PHF8: variants seen among roughly 807,000 people sequenced by gnomAD.
The protein encoded by PHF8 is histone lysine demethylase PHF8.
Under a neutral mutation model 74.4 loss-of-function variants are expected in PHF8, and 9 were observed. That is an observed-to-expected ratio of 0.12 (90% CI 0.07 to 0.21). The LOEUF (loss-of-function observed/expected upper bound fraction) is 0.21. Ranked by LOEUF, PHF8 falls within the 10% of genes least tolerant of loss-of-function variation. The pLI is 1.00. For missense variants in PHF8, 478 were observed against 816.6 expected, an observed-to-expected ratio of 0.59 and a Z score of 5.05; for synonymous variants, 311 against 316.6, an observed-to-expected ratio of 0.98 and a Z score of 0.19.
intron 20 of PHF8, among the ~76,000 whole-genome samples, chrX:53,943,813 A>G (rs1290659492): frequency 8.9e-6 from 1 of 112,257 alleles, no homozygotes; most frequent in East Asian, 2.8e-4. Flanking sequence ...TCAGGGCTTC[A>G]TATGAGAGCA....
In PHF8 at chrX:54,027,292, T is replaced by C. The variant is rs1276616158; in HGVS notation, c.99-4449A>G. Among the ~76,000 whole-genome samples, 4 of 110,298 alleles carry C rather than the reference T, an allele frequency of 3.6e-5. No homozygotes were observed. In the South Asian group the frequency reaches 1.2e-3, roughly 33 times the overall value. On this transcript the variant is annotated intron_variant, in intron 2 of 21. Coordinates refer to ENST00000338154, the MANE Select transcript of PHF8 (RefSeq NM_015107.3). ...CCTTCACAGCCAAACACATTCTTTC[T>C]TTAAACCTATGCAGCTTAAAAATGA...
intron 19 of PHF8, among the ~76,000 whole-genome samples, chrX:53,946,786 G>A (rs1735376090): frequency 8.9e-6 from 1 of 112,022 alleles, no homozygotes; most frequent in African/African-American, 3.2e-5. Context: ...ATTATTGTTA[G>A]TTTTGTTATG....
intron 18 of PHF8, among the ~76,000 whole-genome samples, chrX:53,965,593 T>C (rs1296963743): frequency 8.9e-6 from 1 of 112,276 alleles, no homozygotes; most frequent in Non-Finnish European, 1.9e-5. Context: ...GAGCCAAGAT[T>C]GTGCCACTGT....
intron 18 of PHF8, among the ~76,000 whole-genome samples, chrX:53,978,688 C>T (rs1449279892): frequency 1.9e-5 from 2 of 107,683 alleles, no homozygotes; most frequent in African/African-American, 3.4e-5. Context: ...ATCCCAGCTA[C>T]TCAGGAGGCT....
chrX:53,990,401 CG>C (rs2065639328), intron 14 of PHF8, among the ~76,000 whole-genome samples: 1 of 110,578 alleles, frequency 9.0e-6, no homozygotes, highest in Admixed American at 9.7e-5. Flanking sequence ...ACAGCTGCAG[CG>C]GGTAATAGGC....
At chrX:54,007,300 A>G (rs1309623002) in intron 8 of PHF8, among the ~76,000 whole-genome samples, 2 of 112,238 alleles carry the variant, frequency 1.8e-5, no homozygotes, top group East Asian at 5.5e-4. Context: ...AACTAAAACT[A>G]TAAAATGCTT....
chrX:54,007,497 A>T (rs998563589), intron 8 of PHF8, among the ~76,000 whole-genome samples: 1 of 112,443 alleles, frequency 8.9e-6, no homozygotes, highest in African/African-American at 3.2e-5. Context: ...AATATTTGCA[A>T]ATCACATATC....
Position 53,966,747 on chromosome X carries a change from G to A in PHF8, c.2444-3808C>T, listed in dbSNP as rs1193995433. On this transcript the variant is annotated intron_variant, in intron 18 of 21. Transcript: ENST00000338154. The stretch of plus-strand genomic sequence containing the variant: ...CTGGCTGCCCAGTCTGGAAAGTGAG[G>A]AGCGTCTCTGCCCGGCTGCCATCCC... Among the ~76,000 whole-genome samples the A allele has an allele frequency of 1.8e-4, 20 of 109,453 alleles. No homozygotes were observed. The Admixed American group carries it at 1.9e-3, about 11-fold the overall frequency.
At chrX:53,956,224 T>C (rs2065011296) in intron 19 of PHF8, among the ~76,000 whole-genome samples, 1 of 111,750 alleles carries the variant, frequency 8.9e-6, no homozygotes, top group Non-Finnish European at 1.9e-5. Flanking sequence ...CACTCCAGCC[T>C]GGGCAACAGA....
upstream of PHF8, among the ~76,000 whole-genome samples, chrX:54,048,116 G>C (rs1222488884): frequency 9.1e-6 from 1 of 109,804 alleles, no homozygotes; most frequent in Non-Finnish European, 1.9e-5. Context: ...GTGAACCCGG[G>C]AGGCAGAGCT....
chrX:53,967,381 G>A (rs1270567768), intron 18 of PHF8, among the ~76,000 whole-genome samples: 23 of 73,896 alleles, frequency 3.1e-4, no homozygotes, highest in African/African-American at 3.8e-4. Flanking sequence ...TCAGCCCCCC[G>A]CCCGGCCAGC....
rs1557116331 is a variant in PHF8 at position 54,042,800 on chromosome X, C to A, written c.-72G>T. ...TCAAGAGGGGCGGGAGGCGGCAGCA[C>A]GCGTCCTCTCTGGACGATAGCTAGG... On this transcript the variant is annotated 5_prime_UTR_variant, in exon 2 of 22. Transcript: ENST00000338154. The A allele has an allele frequency of 1.7e-6, 2 of 1,168,155 alleles. No individual in the cohort carries two copies. Among genetic ancestry groups the A allele is most frequent in the South Asian group, 3.9e-5 (2 of 51,883 alleles).
chrX:53,961,327 A>T (rs1349942189), intron 19 of PHF8, among the ~76,000 whole-genome samples: 4 of 101,186 alleles, frequency 4.0e-5, no homozygotes, highest in East Asian at 3.1e-4. Context: ...ACCTAGCCAA[A>T]TTTTTTTTTT....
chrX:54,007,797 G>T (rs1043075608), intron 8 of PHF8, among the ~76,000 whole-genome samples: 2 of 111,951 alleles, frequency 1.8e-5, no homozygotes, highest in Non-Finnish European at 3.8e-5. Context: ...ATACATTACT[G>T]TTGAGAATAT....
intron 18 of PHF8, among the ~76,000 whole-genome samples, chrX:53,980,073 G>A (rs1189190517): frequency 9.0e-6 from 1 of 111,271 alleles, no homozygotes; most frequent in Non-Finnish European, 1.9e-5. Flanking sequence ...GAGAAAGACT[G>A]GCAGTATTCC....
intron 18 of PHF8, among the ~76,000 whole-genome samples, chrX:53,966,295 T>G (rs1291409774): frequency 8.9e-6 from 1 of 111,778 alleles, no homozygotes; most frequent in Non-Finnish European, 1.9e-5. Context: ...GAAGCTGGAC[T>G]GTACTGCTGC....
chrX:54,018,560 T>C (rs1557108864), intron 4 of PHF8, among the ~76,000 whole-genome samples: 5 of 109,900 alleles, frequency 4.5e-5, no homozygotes, highest in African/African-American at 1.7e-4. Flanking sequence ...GATTTGTATT[T>C]GACAACTCTG....
At position 53,961,614 on chromosome X, in the gene PHF8, C is replaced by T. The variant is rs188365658; in HGVS notation, c.2539+1230G>A. On this transcript the variant is annotated intron_variant, in intron 19 of 21. Coordinates refer to ENST00000338154, the MANE Select transcript of PHF8 (RefSeq NM_015107.3). The stretch of plus-strand genomic sequence containing the variant: ...GATTACAGGTGTGAGCCACCAGGCC[C>T]GGCCCCAATTTTTTTTTAAAAAGAA... Among the ~76,000 whole-genome samples, 8 of 111,386 alleles carry T rather than the reference C, an allele frequency of 7.2e-5. 1 individual carries two copies. Among genetic ancestry groups the T allele is most frequent in the African/African-American group, 1.6e-4 (5 of 30,745 alleles).
At chrX:53,958,283 G>A (rs1342890912) in intron 19 of PHF8, among the ~76,000 whole-genome samples, 1 of 107,503 alleles carries the variant, frequency 9.3e-6, no homozygotes, top group Non-Finnish European at 1.9e-5. Context: ...CTCGTGATCC[G>A]CTCACCCTGG....
Sources: gnomAD v4.1 joint callset for allele counts (sites outside exome capture counted in the v4.1 genomes callset) on GRCh38, gnomAD v4.1.1 for gene constraint, MANE v1.5 for transcripts, NCBI Gene and HGNC (gene_info 2026-07-23, HGNC 2026-07-21) for gene names.